ACACA: variants seen among roughly 807,000 people sequenced by gnomAD.
ACACA encodes acetyl-CoA carboxylase 1.
Under a neutral mutation model 296.1 loss-of-function variants are expected in ACACA, and 103 were observed. That is an observed-to-expected ratio of 0.35 (90% CI 0.30 to 0.41). ACACA has a LOEUF of 0.41. ACACA is among the 10% of genes least tolerant of loss of function. The pLI, the probability that ACACA is intolerant of heterozygous loss-of-function variation, is 1.00. For synonymous variants in ACACA, 953 were observed against 1,038.6 expected, an observed-to-expected ratio of 0.92 and a Z score of 1.58; for missense variants, 1,554 against 2,989.7, an observed-to-expected ratio of 0.52 and a Z score of 11.20.
rs77624360 is a variant in ACACA, at chr17:37,380,669, C to G, written c.38+25593G>C. 8.7e-4 allele frequency among the ~76,000 whole-genome samples: 132 copies of G among 152,112 alleles called. 1 individual carries two copies. Among genetic ancestry groups the G allele is most frequent in the African/African-American group, 3.1e-3 (129 of 41,510 alleles). ...TTGGAGTCCAGTGGTGCGATCTTGGCCCACTGCAACCTCTGCCTCCCAGGT... is the reference window on the plus strand; with the variant it reads ...TTGGAGTCCAGTGGTGCGATCTTGGGCCACTGCAACCTCTGCCTCCCAGGT... On this transcript the variant is annotated intron_variant, in intron 1 of 55. Coordinates refer to ENST00000616317, the MANE Select transcript of ACACA (RefSeq NM_198834.3).
chr17:37,320,278 G>C (rs1283312322), intron 3 of ACACA, among the ~76,000 whole-genome samples: 2 of 152,096 alleles, frequency 1.3e-5, no homozygotes, highest in Non-Finnish European at 1.5e-5. Context: ...TTGGGAGGCT[G>C]AGGTGGGTAG....
Position 37,101,349 on chromosome 17 carries a change from C to A in ACACA, c.6566-3365G>T, listed in dbSNP as rs72826160. The stretch of plus-strand genomic sequence containing the variant: ...CTTATTCCTGGCTATCCAATGCATA[C>A]AATCAATAATCAAAGCTAATATTTA... On this transcript the variant is annotated intron_variant, in intron 52 of 55. Transcript: ENST00000616317. Among the ~76,000 whole-genome samples, 1,069 of 152,260 alleles carry A rather than the reference C, an allele frequency of 7.0e-3. 3 individuals carry two copies. The highest frequency in any genetic ancestry group is 0.011 in the Non-Finnish European group (770 of 68,012).
chr17:37,277,776 C>G, intron 6 of ACACA, 120 bp downstream of exon 6: 1 of 736,204 alleles, frequency 1.4e-6, no homozygotes. Flanking sequence ...ATCCCATACA[C>G]AGGCATTTAA....
intron 40 of ACACA, 37 bp downstream of exon 40, chr17:37,181,164 C>T (rs2077303584): frequency 6.2e-7 from 1 of 1,612,954 alleles, no homozygotes; most frequent in African/African-American, 1.3e-5. Flanking sequence ...ACCTTGCCTC[C>T]TTAGAACATG....
chr17:37,215,233 A>C (rs2078930226), intron 29 of ACACA, among the ~76,000 whole-genome samples: 1 of 152,224 alleles, frequency 6.6e-6, no homozygotes, highest in African/African-American at 2.4e-5. Flanking sequence ...GTACAGTGGA[A>C]TCCGACTTAA....
At chr17:37,258,102 T>G in intron 13 of ACACA, 110 bp downstream of exon 13, 1 of 1,362,506 alleles carries the variant, frequency 7.3e-7, no homozygotes, top group Non-Finnish European at 1.0e-6. Flanking sequence ...AACCTCTATG[T>G]TTCCCACTCC....
intron 43 of ACACA, 64 bp downstream of exon 43, chr17:37,155,618 GA>G: frequency 1.8e-6 from 2 of 1,129,648 alleles, no homozygotes; most frequent in Non-Finnish European, 1.3e-6. Context: ...GTACAATATG[GA>G]AAAAAATACC....
At chr17:37,187,516 C>T (rs975095848) in intron 39 of ACACA, among the ~76,000 whole-genome samples, 1 of 152,148 alleles carries the variant, frequency 6.6e-6, no homozygotes, top group African/African-American at 2.4e-5. Context: ...GTGAACCAAC[C>T]TAATTTCAGT....
Position 37,139,399 on chromosome 17 carries a change from G to A in ACACA, c.5680-9181C>T, listed in dbSNP as rs1018126575. ...GGTGGAAATGGACAATGGATATAGGGTAGAGATATAATGAAGGTCCACATG... is the reference window on the plus strand; with the variant it reads ...GGTGGAAATGGACAATGGATATAGGATAGAGATATAATGAAGGTCCACATG... On this transcript the variant is annotated intron_variant, in intron 45 of 55. Coordinates refer to ENST00000616317, the MANE Select transcript of ACACA (RefSeq NM_198834.3). Among the ~76,000 whole-genome samples the A allele has an allele frequency of 4.1e-4, 63 of 152,170 alleles. 1 individual carries two copies. Among genetic ancestry groups the A allele is most frequent in the African/African-American group, 1.5e-3 (63 of 41,428 alleles).
At chr17:37,142,633 C>T (rs570434792) in intron 45 of ACACA, among the ~76,000 whole-genome samples, 3 of 152,302 alleles carry the variant, frequency 2.0e-5, no homozygotes, top group African/African-American at 7.2e-5. Flanking sequence ...TAGTTAGGGA[C>T]TTTTAAAAAT....
chr17:37,247,381 T>G (rs1295377414), intron 18 of ACACA, among the ~76,000 whole-genome samples: 1 of 152,002 alleles, frequency 6.6e-6, no homozygotes, highest in Non-Finnish European at 1.5e-5. Flanking sequence ...TTTCTTTTTT[T>G]TTTGATACGG....
chr17:37,109,376 A>G (rs979449097), intron 52 of ACACA, among the ~76,000 whole-genome samples: 1 of 152,174 alleles, frequency 6.6e-6, no homozygotes, highest in African/African-American at 2.4e-5. Flanking sequence ...TCTGCTCCTC[A>G]TATTAGCTAG....
intron 45 of ACACA, among the ~76,000 whole-genome samples, chr17:37,142,818 G>A (rs2075649068): frequency 6.6e-6 from 1 of 152,146 alleles, no homozygotes; most frequent in African/African-American, 2.4e-5. Context: ...CATCTATTGG[G>A]AAAGTCAATA....
At chr17:37,383,475 T>C (rs1476742563) in intron 1 of ACACA, among the ~76,000 whole-genome samples, 1 of 152,244 alleles carries the variant, frequency 6.6e-6, no homozygotes, top group Non-Finnish European at 1.5e-5. Flanking sequence ...TAAATGGATA[T>C]TTGTAGATTA....
chr17:37,216,440 G>C (rs1398355672), intron 29 of ACACA, among the ~76,000 whole-genome samples: 1 of 151,880 alleles, frequency 6.6e-6, no homozygotes, highest in Non-Finnish European at 1.5e-5. Context: ...AGATCAAAAA[G>C]GAGATAATAT....
chr17:37,335,876 A>G (rs986531852), intron 2 of ACACA, among the ~76,000 whole-genome samples: 3 of 151,992 alleles, frequency 2.0e-5, no homozygotes, highest in African/African-American at 4.8e-5. Context: ...TTAGAGGAAA[A>G]ATGCTGTTGT....
chr17:37,336,346 G>A (rs896440154), intron 2 of ACACA, among the ~76,000 whole-genome samples: 1 of 152,160 alleles, frequency 6.6e-6, no homozygotes, highest in Admixed American at 6.5e-5. Flanking sequence ...TTCCTGTTGA[G>A]AGGGGGGACT....
At chr17:37,143,832 G>C (rs965390057) in intron 45 of ACACA, 1 of 1,436,816 alleles carries the variant, frequency 7.0e-7, no homozygotes, top group Admixed American at 1.7e-5. Context: ...TATCCTTTTC[G>C]TATTTTTCCT....
At chr17:37,215,762 A>G (rs377082739) in intron 29 of ACACA, among the ~76,000 whole-genome samples, 9 of 152,150 alleles carry the variant, frequency 5.9e-5, no homozygotes, top group African/African-American at 1.9e-4. Flanking sequence ...TGAATAGGAA[A>G]AAAGACAGAC....
Sources: allele counts gnomAD v4.1 joint callset (sites outside exome capture counted in the v4.1 genomes callset), GRCh38; gene constraint gnomAD v4.1.1; transcripts MANE v1.5; gene names NCBI Gene and HGNC (gene_info 2026-07-23, HGNC 2026-07-21).